The following CPVL variants were observed in gnomAD, a reference collection of about 807,000 sequenced individuals.
CPVL encodes carboxypeptidase vitellogenic like, also known as probable serine carboxypeptidase CPVL.
Under a neutral mutation model 63.7 loss-of-function variants are expected in CPVL, and 51 were observed. That is an observed-to-expected ratio of 0.80 (90% CI 0.64 to 1.01). CPVL has a LOEUF of 1.01. Ranked by LOEUF, CPVL falls within the 50% of genes least tolerant of loss-of-function variation. The pLI is 0.00. For missense variants in CPVL, 530 were observed against 573.1 expected (o/e 0.92, Z 0.77); for synonymous variants, 195 against 206.0 (o/e 0.95, Z 0.46).
intron 11 of CPVL, among the ~76,000 whole-genome samples, chr7:29,050,813 A>C (rs919486267): frequency 6.6e-6 from 1 of 152,026 alleles, no homozygotes; most frequent in African/African-American, 2.4e-5. Flanking sequence ...AAAAAAAAAA[A>C]ACAAATCTGG....
intron 3 of CPVL, among the ~76,000 whole-genome samples, chr7:29,098,709 G>A (rs1786717775): frequency 6.6e-6 from 1 of 152,142 alleles, no homozygotes; most frequent in Non-Finnish European, 1.5e-5. Context: ...CTACCCACCA[G>A]TGTGTAACTT....
chr7:29,136,461 A>G (rs1363005853), intron 1 of CPVL, among the ~76,000 whole-genome samples: 1 of 152,186 alleles, frequency 6.6e-6, no homozygotes, highest in Non-Finnish European at 1.5e-5. Flanking sequence ...GAGGGTAGGA[A>G]AGTCAGGAGG....
intron 11 of CPVL, among the ~76,000 whole-genome samples, chr7:29,046,801 CTG>C (rs1371660813): frequency 6.6e-6 from 1 of 152,174 alleles, no homozygotes; most frequent in African/African-American, 2.4e-5. Flanking sequence ...CTCCTGGAGA[CTG>C]TGGGTTGCAT....
At chr7:29,000,715 C>A (rs1784548930) in intron 12 of CPVL, among the ~76,000 whole-genome samples, 1 of 152,110 alleles carries the variant, frequency 6.6e-6, no homozygotes, top group South Asian at 2.1e-4. Flanking sequence ...ATACACTTAA[C>A]ATAAAATTAC....
rs767395343 is a variant in CPVL at position 29,086,563 on chromosome 7, G to A, written c.543-13C>T. The A allele has an allele frequency of 2.6e-6, 4 of 1,552,436 alleles. No homozygotes were observed. The highest frequency in any genetic ancestry group is 3.6e-6 in the Non-Finnish European group (4 of 1,124,502). Reference sequence around the variant, plus strand: ...CTGAATTAGTGCACTGCAAAAAGAAGAACAAGAACAACACAAATTAATCAG... The same window carrying A: ...CTGAATTAGTGCACTGCAAAAAGAAAAACAAGAACAACACAAATTAATCAG... On this transcript the variant is annotated splice_polypyrimidine_tract_variant and intron_variant, in intron 6 of 12. Transcript: ENST00000265394.
chr7:29,132,065 G>A (rs148764866), intron 1 of CPVL, among the ~76,000 whole-genome samples: 23 of 152,314 alleles, frequency 1.5e-4, no homozygotes, highest in African/African-American at 4.1e-4. Flanking sequence ...CAGGATAAAC[G>A]GAATAGAGAG....
chr7:29,046,748 G>A (rs1164069129), intron 11 of CPVL, among the ~76,000 whole-genome samples: 1 of 152,036 alleles, frequency 6.6e-6, no homozygotes, highest in Non-Finnish European at 1.5e-5. Flanking sequence ...AGGAATACGG[G>A]ACCAGGGGAC....
chr7:29,009,836 TACAA>T (rs1785626968), intron 12 of CPVL: 1 of 152,270 alleles, frequency 6.6e-6, no homozygotes, highest in East Asian at 1.9e-4. Context: ...AGCTGGTGAG[TACAA>T]AAGTGTTCAT....
Position 29,005,751 on chromosome 7 carries a change from AG to A in CPVL, c.1321-9870del, listed in dbSNP as rs1785133238. ...CTTTTAGGAACCCACTTTACCACAC[AG>A]GATTTGATGCAATTAAAAAGTAATC... On this transcript the variant is annotated intron_variant, in intron 12 of 12. Coordinates refer to ENST00000265394, the MANE Select transcript of CPVL (RefSeq NM_031311.5). Among the ~76,000 whole-genome samples, 12 of 152,320 alleles carry A rather than the reference AG, an allele frequency of 7.9e-5. No individual in the cohort carries two copies. The South Asian group carries it at 2.5e-3, about 32-fold the overall frequency.
At chr7:29,117,339 C>G (rs987713703) in intron 2 of CPVL, among the ~76,000 whole-genome samples, 7 of 152,224 alleles carry the variant, frequency 4.6e-5, no homozygotes, top group Non-Finnish European at 7.3e-5. Flanking sequence ...AGTAGTCTCT[C>G]AGATGGATTT....
At chr7:29,046,630 AT>A (rs1195571307) in intron 11 of CPVL, among the ~76,000 whole-genome samples, 23 of 149,788 alleles carry the variant, frequency 1.5e-4, no homozygotes, top group East Asian at 5.9e-4. Flanking sequence ...AGCACAAATG[AT>A]TTTTTTTTTA....
At chr7:29,040,832 A>G (rs1003289461) in intron 11 of CPVL, among the ~76,000 whole-genome samples, 1 of 152,174 alleles carries the variant, frequency 6.6e-6, no homozygotes, top group African/African-American at 2.4e-5. Flanking sequence ...CCTTAACTCT[A>G]AATTATTTTG....
chr7:29,040,179 T>C (rs776557007), intron 11 of CPVL, among the ~76,000 whole-genome samples: 3 of 152,222 alleles, frequency 2.0e-5, no homozygotes, highest in Non-Finnish European at 2.9e-5. Flanking sequence ...GCTTTACTTA[T>C]CATTCTTCTA....
At chr7:29,128,148 C>T (rs1178374443) in intron 1 of CPVL, 1 of 147,706 alleles carries the variant, frequency 6.8e-6, no homozygotes, top group East Asian at 2.0e-4. Flanking sequence ...CTGGGACAAC[C>T]AATAAAAAAA....
chr7:29,150,506 G>T (rs144140838), upstream of CPVL, among the ~76,000 whole-genome samples: 1 of 152,292 alleles, frequency 6.6e-6, no homozygotes, highest in East Asian at 1.9e-4. Context: ...CCTATAGCCG[G>T]AGCTTTGCTG....
intron 5 of CPVL, among the ~76,000 whole-genome samples, chr7:29,180,950 A>G (rs1797997527): frequency 6.6e-6 from 1 of 152,242 alleles, no homozygotes; most frequent in African/African-American, 2.4e-5. Context: ...AATCACTGGT[A>G]CCCAGTACTT....
chr7:29,170,537 G>T (rs1228845747), intron 5 of CPVL, among the ~76,000 whole-genome samples: 1 of 152,102 alleles, frequency 6.6e-6, no homozygotes, highest in Non-Finnish European at 1.5e-5. Flanking sequence ...GTTTAAAATG[G>T]GTTTTGTACA....
upstream of CPVL, chr7:29,147,253 A>ACT: frequency 2.7e-6 from 1 of 369,748 alleles, no homozygotes; most frequent in African/African-American, 2.1e-5. Context: ...AAGGAGGGTC[A>ACT]TCATTATCAG....
At chr7:29,031,894 A>G (rs1477556496) in intron 11 of CPVL, among the ~76,000 whole-genome samples, 1 of 152,178 alleles carries the variant, frequency 6.6e-6, no homozygotes, top group Non-Finnish European at 1.5e-5. Flanking sequence ...TATCACAACT[A>G]TAACTATAAA....
Sources: allele counts gnomAD v4.1 joint callset (sites outside exome capture counted in the v4.1 genomes callset), GRCh38; gene constraint gnomAD v4.1.1; transcripts MANE v1.5; gene names NCBI Gene and HGNC (gene_info 2026-07-23, HGNC 2026-07-21).